CYREN: variants seen among roughly 807,000 people sequenced by gnomAD.
CYREN encodes cell cycle regulator of NHEJ.
A neutral mutation model predicts 9.7 loss-of-function variants in CYREN; 7 were observed. The observed-to-expected ratio is 0.72, with a 90% CI of 0.41 to 1.36. The LOEUF (loss-of-function observed/expected upper bound fraction) is 1.36. Ranked by LOEUF, CYREN falls within the 40% of genes most tolerant of loss-of-function variation. CYREN has a pLI of 0.01. For missense variants in CYREN, 215 were observed against 198.1 expected (o/e 1.09, Z -0.51); for synonymous variants, 76 against 77.9 (o/e 0.98, Z 0.13).
chr7:135,171,281 C>T (rs1284143957), upstream of CYREN, among the ~76,000 whole-genome samples: 1 of 151,398 alleles, frequency 6.6e-6, no homozygotes, highest in African/African-American at 2.4e-5. Flanking sequence ...GAGAGAGACC[C>T]TCTCATATTG....
At chr7:135,171,689 T>C (rs1053555060), upstream of CYREN, among the ~76,000 whole-genome samples, 2 of 152,210 alleles carry the variant, frequency 1.3e-5, no homozygotes, top group African/African-American at 4.8e-5. Context: ...ATAAAGCCCT[T>C]TCTTCTACAG....
chr7:135,159,759 C>T (rs999560118), intron 2 of CYREN, among the ~76,000 whole-genome samples: 1 of 152,194 alleles, frequency 6.6e-6, no homozygotes, highest in Non-Finnish European at 1.5e-5. Context: ...ACTGACAGCA[C>T]TTCACAAAAG....
intron 2 of CYREN, chr7:135,135,894 T>C (rs1312974249): frequency 1.3e-5 from 2 of 152,120 alleles, no homozygotes; most frequent in Non-Finnish European, 1.5e-5. Flanking sequence ...TAGACTGTGG[T>C]TTAAAATAAT....
chr7:135,149,211 C>T (rs1421812752), intron 2 of CYREN, among the ~76,000 whole-genome samples: 2 of 151,924 alleles, frequency 1.3e-5, no homozygotes, highest in Non-Finnish European at 2.9e-5. Context: ...AAATGTAGCA[C>T]ATAATTCTAA....
exon 3 of CYREN, chr7:135,094,483 C>T (rs1434803601): frequency 2.2e-6 from 1 of 456,640 alleles, no homozygotes; most frequent in Non-Finnish European, 4.4e-6. Flanking sequence ...GTGAGAAACT[C>T]CTGGTGGCCA....
At chr7:135,134,804 G>C (rs909947169) in intron 2 of CYREN, 3 of 1,531,608 alleles carry the variant, frequency 2.0e-6, no homozygotes, top group Non-Finnish European at 1.8e-6. Flanking sequence ...GTAGGTCCAT[G>C]ATGGACAAAA....
chr7:135,110,566 C>T (rs1049459091), intron 2 of CYREN, among the ~76,000 whole-genome samples: 17 of 152,172 alleles, frequency 1.1e-4, no homozygotes, highest in African/African-American at 3.9e-4. Context: ...CACTCACTGA[C>T]TCACCCCTTC....
Position 135,146,896 on chromosome 7 carries a change from C to A in CYREN, n.356+21853G>T, listed in dbSNP as rs1304896636. Among the ~76,000 whole-genome samples the A allele has an allele frequency of 2.0e-5, 3 of 152,130 alleles. 1 individual carries two copies. Among genetic ancestry groups the A allele is most frequent in the Non-Finnish European group, 4.4e-5 (3 of 68,016 alleles). The stretch of plus-strand genomic sequence containing the variant: ...TCTTTGAAAACTAGGTACATGATAA[C>A]CTTGAATAAATTTCATAAATATAAA... On this transcript the variant is annotated intron_variant and non_coding_transcript_variant, in intron 2 of 2. Transcript: ENST00000459937.
At chr7:135,129,256 C>A (rs377030501) in intron 2 of CYREN, 1 of 1,526,984 alleles carries the variant, frequency 6.5e-7, no homozygotes. Flanking sequence ...GGTATCTGCT[C>A]CAGCTGCAAT....
intron 2 of CYREN, among the ~76,000 whole-genome samples, chr7:135,119,831 C>T (rs779417740): frequency 6.6e-6 from 1 of 152,054 alleles, no homozygotes; most frequent in Non-Finnish European, 1.5e-5. Context: ...GAGCCAAGAT[C>T]GTGCCACTGC....
intron 2 of CYREN, among the ~76,000 whole-genome samples, chr7:135,095,827 A>G (rs1822584392): frequency 6.6e-6 from 1 of 152,140 alleles, no homozygotes; most frequent in Admixed American, 6.6e-5. Flanking sequence ...CTGAAGTGCA[A>G]CTTAAGTGTG....
chr7:135,138,561 AT>A (rs1444502057), intron 2 of CYREN, among the ~76,000 whole-genome samples: 2 of 152,072 alleles, frequency 1.3e-5, no homozygotes, highest in Non-Finnish European at 2.9e-5. Context: ...TAGGAAAAAA[AT>A]CAAATCATAC....
At chr7:135,167,855 C>T (rs1343418060) in intron 2 of CYREN, 48 bp from the exon 3 acceptor site, 1 of 1,613,142 alleles carries the variant, frequency 6.2e-7, no homozygotes, top group Middle Eastern at 1.7e-4. Flanking sequence ...TCTCAAGTCT[C>T]ATAAGGGCAA....
chr7:135,172,228 C>T (rs1181914919), upstream of CYREN, among the ~76,000 whole-genome samples: 1 of 152,168 alleles, frequency 6.6e-6, no homozygotes, highest in Non-Finnish European at 1.5e-5. Flanking sequence ...TGCCCCACTC[C>T]ATCTGAGTGG....
chr7:135,142,723 A>C (rs1420537761), intron 2 of CYREN, among the ~76,000 whole-genome samples: 1 of 152,174 alleles, frequency 6.6e-6, no homozygotes, highest in African/African-American at 2.4e-5. Context: ...ATTACCATTG[A>C]CATTAGCACC....
Position 135,168,891 on chromosome 7 carries a change from C to A in CYREN, c.32G>T (p.Arg11Met). The change falls in exon 2 of 4, where the codon AGG becomes ATG. Residue 11 changes from arginine to methionine, a missense_variant. By Grantham distance (91) the Arg-to-Met change is moderately conservative. Transcript: ENST00000393114. METLQSETKT[R>M]VLPSWLTAQV... ...GGCTGTCAGCCATGAGGGAAGGACCCTCGTTTTAGTCTCGGATTGTAAGGT... is the reference window on the plus strand; with the variant it reads ...GGCTGTCAGCCATGAGGGAAGGACCATCGTTTTAGTCTCGGATTGTAAGGT... The A allele has an allele frequency of 6.2e-7, 1 of 1,612,594 alleles. No homozygotes were observed. The highest frequency in any genetic ancestry group is 8.5e-7 in the Non-Finnish European group (1 of 1,179,256).
At chr7:135,120,183 AC>A (rs1826941084) in intron 2 of CYREN, among the ~76,000 whole-genome samples, 1 of 152,230 alleles carries the variant, frequency 6.6e-6, no homozygotes, top group South Asian at 2.1e-4. Context: ...AAGAAAGAAT[AC>A]GGTAAGCAAA....
chr7:135,168,841 G>T lies in CYREN; in HGVS notation c.82C>A (p.Pro28Thr). 6.2e-7 allele frequency: 1 copy of T among 1,614,070 alleles called. No homozygotes were observed. Among genetic ancestry groups the T allele is most frequent in the South Asian group, 1.1e-5 (1 of 91,078 alleles). Residue 28 changes from proline (P) to threonine (T), a missense_variant, in exon 2 of 4, where the codon CCA becomes ACA. Transcript: ENST00000393114. Reference sequence around the variant, plus strand: ...CTCATCCTCTTGGGGGCCTTCATTGGTGCCACATTCTTTGTAGCCACCTGG... The same window carrying T: ...CTCATCCTCTTGGGGGCCTTCATTGTTGCCACATTCTTTGTAGCCACCTGG... ...TAQVATKNVA[P>T]MKAPKRMRMA...
intron 2 of CYREN, among the ~76,000 whole-genome samples, chr7:135,144,852 G>C (rs1346407719): frequency 1.4e-5 from 2 of 142,724 alleles, no homozygotes; most frequent in African/African-American, 5.1e-5. Flanking sequence ...AGGATCACCT[G>C]AGCACAAGAG....
Sources: allele counts gnomAD v4.1 joint callset (sites outside exome capture counted in the v4.1 genomes callset), GRCh38; gene constraint gnomAD v4.1.1; transcripts MANE v1.5; gene names NCBI Gene and HGNC (gene_info 2026-07-23, HGNC 2026-07-21).